Variants in SUPT16H observed in about 807,000 individuals in gnomAD.
SUPT16H encodes SPT16 homolog, facilitates chromatin remodeling subunit, also known as FACT complex subunit SPT16.
In SUPT16H, 24 loss-of-function variants were observed where a neutral mutation model predicts 136.2. That is an observed-to-expected ratio of 0.18 (90% CI 0.13 to 0.25). The LOEUF (loss-of-function observed/expected upper bound fraction) is 0.25, where lower values mean the gene tolerates loss of function less well. Ranked by LOEUF, SUPT16H falls within the 10% of genes least tolerant of loss-of-function variation. The probability of loss-of-function intolerance (pLI) is 1.00; values close to 1 mark genes in which losing one functional copy is unlikely to be tolerated. For missense variants in SUPT16H, 623 were observed against 1,270.2 expected (o/e 0.49, Z 7.74); for synonymous variants, 415 against 428.2 (o/e 0.97, Z 0.38).
intron 18 of SUPT16H, among the ~76,000 whole-genome samples, chr14:21,359,982 T>C (rs529867998): frequency 6.6e-6 from 1 of 152,294 alleles, no homozygotes; most frequent in African/African-American, 2.4e-5. Context: ...TTTAGAGGCA[T>C]TATTTTATTT....
chr14:21,362,373 TTAG>T (rs1411278971), intron 14 of SUPT16H, 49 bp from the exon 15 acceptor site: 1 of 1,576,994 alleles, frequency 6.3e-7, no homozygotes, highest in East Asian at 2.3e-5. Context: ...TTCCTAGAGA[TTAG>T]TAGTTACAGA....
chr14:21,363,571 C>T (rs899505603), intron 10 of SUPT16H, 68 bp from the exon 11 acceptor site: 22 of 1,385,534 alleles, frequency 1.6e-5, no homozygotes, highest in African/African-American at 7.2e-5. Flanking sequence ...ACCTAGTAAA[C>T]GGCTGGGCAA....
chr14:21,359,413 C>T, intron 19 of SUPT16H, 71 bp downstream of exon 19: 1 of 1,571,098 alleles, frequency 6.4e-7, no homozygotes. Flanking sequence ...TTATAAAATA[C>T]AATCCCTGAG....
intron 1 of SUPT16H, 34 bp downstream of exon 1, chr14:21,383,828 G>A (rs1374296067): frequency 6.2e-7 from 1 of 1,612,976 alleles, no homozygotes; most frequent in South Asian, 1.1e-5. Context: ...TGGCTAAGGG[G>A]GCTCCCTAGG....
chr14:21,374,672 C>T (rs189134969), intron 1 of SUPT16H, among the ~76,000 whole-genome samples: 1 of 152,330 alleles, frequency 6.6e-6, no homozygotes, highest in Non-Finnish European at 1.5e-5. Flanking sequence ...TTCCCTTTTA[C>T]TGCTGAATAT....
chr14:21,355,819 C>T (rs2139395942), intron 22 of SUPT16H, among the ~76,000 whole-genome samples: 1 of 152,300 alleles, frequency 6.6e-6, no homozygotes. Flanking sequence ...TGCCTGAGAA[C>T]CACTGGCATA....
chr14:21,361,388 C>T lies in SUPT16H; in HGVS notation c.1794-175G>A, dbSNP rs1886552569. The T allele has an allele frequency of 9.6e-6, 7 of 726,218 alleles. No individual in the cohort carries two copies. In the South Asian group the frequency reaches 1.1e-4, roughly 12 times the overall value. 45.0% of individuals were successfully genotyped at this position (726,218 alleles called of 1,614,324 possible). On this transcript the variant is annotated intron_variant, in intron 15 of 25. Transcript: ENST00000216297. ...CTGGAGTGCAGTGGCCCAATCTTAGCTCACTGCAACCTTCGCCTCCTGGGT... is the reference window on the plus strand; with the variant it reads ...CTGGAGTGCAGTGGCCCAATCTTAGTTCACTGCAACCTTCGCCTCCTGGGT...
At chr14:21,381,838 CTTT>C (rs1320226507) in intron 1 of SUPT16H, among the ~76,000 whole-genome samples, 2 of 146,284 alleles carry the variant, frequency 1.4e-5, no homozygotes, top group Non-Finnish European at 3.0e-5. Flanking sequence ...CCAGGCTGGT[CTTT>C]AACTCCTGGC....
intron 21 of SUPT16H, 68 bp downstream of exon 21, chr14:21,357,859 A>G: frequency 7.0e-7 from 1 of 1,429,344 alleles, no homozygotes; most frequent in Non-Finnish European, 9.8e-7. Context: ...TAATTAGGAT[A>G]AAAAACACCT....
intron 1 of SUPT16H, among the ~76,000 whole-genome samples, chr14:21,376,576 A>T (rs1313766957): frequency 6.6e-6 from 1 of 152,162 alleles, no homozygotes. Flanking sequence ...GTTTTCCTTC[A>T]GGTTGGTAAA....
chr14:21,370,471 A>G lies in SUPT16H; in HGVS notation c.348T>C (p.Ser116=), dbSNP rs1297081974. The G allele has an allele frequency of 1.9e-6, 3 of 1,613,930 alleles. No homozygotes were observed. Among genetic ancestry groups the G allele is most frequent in the Non-Finnish European group, 2.5e-6 (3 of 1,179,980 alleles). ...TGGCTTCAATCATTTTGTCAAAGCT[A>G]CTCTTATTACTTTCATTCTGTCAGT... is the stretch of plus-strand genomic sequence containing the variant. The part of the protein sequence containing the change: ...LIREKNESNK[S]SFDKMIEAIK... Residue 116 remains serine, a synonymous_variant, in exon 4 of 26, where the codon AGT becomes AGC. Coordinates refer to ENST00000216297, the MANE Select transcript of SUPT16H (RefSeq NM_007192.4).
intron 23 of SUPT16H, 49 bp downstream of exon 23, chr14:21,354,362 G>C: frequency 6.2e-7 from 1 of 1,603,044 alleles, no homozygotes; most frequent in Admixed American, 1.7e-5. Context: ...CTGACCAAAT[G>C]ATAGCGGGCA....
chr14:21,369,151 GA>G (rs1273427489), intron 6 of SUPT16H, 52 bp downstream of exon 6: 2 of 1,570,592 alleles, frequency 1.3e-6, no homozygotes, highest in East Asian at 2.3e-5. Context: ...TTAACAAAAA[GA>G]AAAAATAGGC....
intron 15 of SUPT16H, 53 bp downstream of exon 15, chr14:21,362,144 G>A: frequency 6.4e-7 from 1 of 1,565,396 alleles, no homozygotes. Flanking sequence ...ATGTTTCTGA[G>A]AGTACCACTC....
chr14:21,369,078 G>A (rs939255329), intron 6 of SUPT16H, 126 bp downstream of exon 6: 3 of 1,036,608 alleles, frequency 2.9e-6, no homozygotes, highest in Non-Finnish European at 4.1e-6. Flanking sequence ...ATAATGACTT[G>A]GTAACACTAT....
At chr14:21,365,920 T>C (rs988450975) in intron 8 of SUPT16H, among the ~76,000 whole-genome samples, 1 of 151,960 alleles carries the variant, frequency 6.6e-6, no homozygotes, top group Non-Finnish European at 1.5e-5. Flanking sequence ...CTGGGCAACA[T>C]AGCGAGACCC....
chr14:21,371,521 T>A (rs571490514), intron 3 of SUPT16H, among the ~76,000 whole-genome samples: 4 of 152,302 alleles, frequency 2.6e-5, no homozygotes, highest in Admixed American at 6.5e-5. Context: ...ACAAAAAAAA[T>A]TCACATTTGA....
chr14:21,362,990 C>T (rs1281840170), intron 13 of SUPT16H, 43 bp from the exon 14 acceptor site: 1 of 1,613,742 alleles, frequency 6.2e-7, no homozygotes, highest in Non-Finnish European at 8.5e-7. Flanking sequence ...TCTGCAGTCC[C>T]ACAGAACCCT....
chr14:21,352,855 AG>A, intron 25 of SUPT16H, 37 bp from the exon 26 acceptor site: 1 of 1,613,558 alleles, frequency 6.2e-7, no homozygotes, highest in Non-Finnish European at 8.5e-7. Flanking sequence ...GCAATAGGTA[AG>A]CTTTAGGTAC....
Sources: gnomAD v4.1 joint callset for allele counts (sites outside exome capture counted in the v4.1 genomes callset) on GRCh38, gnomAD v4.1.1 for gene constraint, MANE v1.5 for transcripts, NCBI Gene and HGNC (gene_info 2026-07-23, HGNC 2026-07-21) for gene names.